The following EYA2 variants were observed in gnomAD, a reference collection of about 807,000 sequenced individuals.
The protein encoded by EYA2 is protein phosphatase EYA2.
EYA2 carries 31 observed loss-of-function variants against 69.2 expected under a neutral mutation model. The ratio of observed to expected loss-of-function variants is 0.45; its 90% CI spans 0.34 to 0.60. The LOEUF (loss-of-function observed/expected upper bound fraction) is 0.60, where lower values mean the gene tolerates loss of function less well. EYA2 is among the 20% of genes least tolerant of loss of function. EYA2 has a pLI of 0.02. For synonymous variants in EYA2, 257 were observed against 279.4 expected (o/e 0.92, Z 0.80); for missense variants, 622 against 701.2 (o/e 0.89, Z 1.28).
At chr20:46,899,785 G>A (rs751583253) in intron 1 of EYA2, among the ~76,000 whole-genome samples, 5 of 152,176 alleles carry the variant, frequency 3.3e-5, no homozygotes, top group South Asian at 2.1e-4. Context: ...TGAGAGACTC[G>A]TCTTTGGGAC....
At position 47,179,912 on chromosome 20, in the gene EYA2, G is replaced by A. The variant is rs868848935; in HGVS notation, c.1313G>A (p.Arg438Gln). Residue 438 changes from arginine to glutamine, a missense_variant and splice_region_variant, in exon 13 of 16, where the codon CGG becomes CAG. By Grantham distance (43) the Arg-to-Gln change is conservative. Coordinates refer to ENST00000327619, the MANE Select transcript of EYA2 (RefSeq NM_005244.5). The stretch of plus-strand genomic sequence containing the variant: ...AAGGCACTAAACCTCATCAACTCCC[G>A]GCAAGTGGCAGCCCTCATTTTCCTC... The part of the protein sequence containing the change: ...SLKALNLINS[R>Q]PNCVNVLVTT... 2 of 1,611,796 alleles carry A rather than the reference G, an allele frequency of 1.2e-6. No individual in the cohort carries two copies. Among genetic ancestry groups the A allele is most frequent in the South Asian group, 1.1e-5 (1 of 90,992 alleles).
chr20:46,949,007 G>A (rs1473799894), intron 1 of EYA2, among the ~76,000 whole-genome samples: 1 of 152,094 alleles, frequency 6.6e-6, no homozygotes, highest in Non-Finnish European at 1.5e-5. Context: ...AATGTTACTC[G>A]CATTGTACAG....
At chr20:46,918,517 G>C (rs1264490328) in intron 1 of EYA2, among the ~76,000 whole-genome samples, 3 of 152,108 alleles carry the variant, frequency 2.0e-5, no homozygotes, top group African/African-American at 7.2e-5. Flanking sequence ...AGGTTACCCA[G>C]AGTGGTCTCG....
intron 10 of EYA2, among the ~76,000 whole-genome samples, chr20:47,153,260 A>G (rs867825236): frequency 6.6e-6 from 1 of 152,012 alleles, no homozygotes; most frequent in African/African-American, 2.4e-5. Flanking sequence ...GTTTTAGGGG[A>G]AAAATGACCA....
chr20:47,017,769 G>GT (rs1983500001), intron 5 of EYA2, among the ~76,000 whole-genome samples: 1 of 152,172 alleles, frequency 6.6e-6, no homozygotes, highest in South Asian at 2.1e-4. Context: ...CAACGGTACT[G>GT]TATTATTCCC....
chr20:46,966,496 A>G (rs1289827318), intron 1 of EYA2, among the ~76,000 whole-genome samples: 1 of 152,024 alleles, frequency 6.6e-6, no homozygotes, highest in African/African-American at 2.4e-5. Flanking sequence ...ATTTTCTAGT[A>G]GCCTTGTTAA....
chr20:46,925,413 A>G (rs1985372837), intron 1 of EYA2, among the ~76,000 whole-genome samples: 1 of 152,214 alleles, frequency 6.6e-6, no homozygotes, highest in Non-Finnish European at 1.5e-5. Flanking sequence ...ACTGGGGGAA[A>G]TCTTTGCAGT....
chr20:47,177,814 G>C (rs187059651), intron 12 of EYA2, among the ~76,000 whole-genome samples: 41 of 152,390 alleles, frequency 2.7e-4, no homozygotes, highest in East Asian at 1.9e-3. Flanking sequence ...CTGCTGCTAT[G>C]ATGGCGAACA....
intron 1 of EYA2, among the ~76,000 whole-genome samples, chr20:46,910,771 G>T (rs1390326940): frequency 1.3e-5 from 2 of 152,178 alleles, no homozygotes; most frequent in Non-Finnish European, 2.9e-5. Flanking sequence ...GATGTGTTTT[G>T]TTTGGTCTGC....
chr20:47,034,430 G>T (rs1225127353), intron 5 of EYA2, among the ~76,000 whole-genome samples: 1 of 152,180 alleles, frequency 6.6e-6, no homozygotes, highest in Non-Finnish European at 1.5e-5. Flanking sequence ...CTGTGTGGGG[G>T]CAGGGAGATG....
intron 5 of EYA2, among the ~76,000 whole-genome samples, chr20:47,022,942 C>T (rs904524880): frequency 6.6e-6 from 1 of 152,038 alleles, no homozygotes; most frequent in Non-Finnish European, 1.5e-5. Context: ...CAACCATCAC[C>T]ACTATCTAAT....
chr20:46,914,429 TG>T (rs1345416082), intron 1 of EYA2, among the ~76,000 whole-genome samples: 1 of 152,184 alleles, frequency 6.6e-6, no homozygotes. Flanking sequence ...CATACCCAAC[TG>T]GGTAATTTAT....
rs1259826415 is a variant in EYA2 at position 47,188,541 on chromosome 20, C to T, written c.*408C>T. 6.5e-6 allele frequency: 3 copies of T among 459,482 alleles called. No individual in the cohort carries two copies. Among genetic ancestry groups the T allele is most frequent in the Non-Finnish European group, 7.6e-6 (2 of 261,998 alleles). 28.5% of individuals were successfully genotyped at this position (459,482 alleles called of 1,614,324 possible). On this transcript the variant is annotated 3_prime_UTR_variant, in exon 16 of 16. Transcript: ENST00000327619. ...TACCTGTGTGGCTGGGTTTCTTAGT[C>T]GTTGGTTTGGTTTGGTTTTTTGAAC...
chr20:47,117,671 G>A, intron 9 of EYA2: 4 of 985,358 alleles, frequency 4.1e-6, no homozygotes, highest in Non-Finnish European at 4.8e-6. Flanking sequence ...AGAAAACCCG[G>A]TTTTATGACG....
At chr20:47,176,885 G>A (rs1175679694) in intron 12 of EYA2, among the ~76,000 whole-genome samples, 1 of 150,230 alleles carries the variant, frequency 6.7e-6, no homozygotes, top group African/African-American at 2.5e-5. Context: ...TCCGCCTCCC[G>A]AGTTCAAGCA....
rs1485332877 is a variant in EYA2 at position 47,026,495 on chromosome 20, C to CA, written c.415+10204dup. ...GAAGTCAAAACAACAAAACAAATGACAAAAAACAAGCAAACAAACAAAAAA... is the reference window on the plus strand; with the variant it reads ...GAAGTCAAAACAACAAAACAAATGACAAAAAAACAAGCAAACAAACAAAAAA... On this transcript the variant is annotated intron_variant, in intron 5 of 15. Transcript: ENST00000327619. Among the ~76,000 whole-genome samples the CA allele has an allele frequency of 4.0e-5, 6 of 149,534 alleles. No individual in the cohort carries two copies. The East Asian group carries it at 7.8e-4, about 19-fold the overall frequency.
intron 9 of EYA2, among the ~76,000 whole-genome samples, chr20:47,135,842 C>CAAAAAAAAAAAAAAAA (rs1266669397): frequency 5.6e-5 from 3 of 54,026 alleles, no homozygotes; most frequent in South Asian, 5.8e-4. Flanking sequence ...AAAAAAAAAA[C>CAAAAAAAAAAAAAAAA]AAACAAACAA....
At chr20:47,129,436 A>G (rs2146573882) in intron 9 of EYA2, among the ~76,000 whole-genome samples, 1 of 152,300 alleles carries the variant, frequency 6.6e-6, no homozygotes, top group East Asian at 1.9e-4. Flanking sequence ...GCCTGGGAAG[A>G]GGGGATTTCA....
intron 1 of EYA2, among the ~76,000 whole-genome samples, chr20:46,899,491 G>A (rs575195686): frequency 1.2e-4 from 18 of 152,238 alleles, no homozygotes; most frequent in African/African-American, 3.1e-4. Context: ...CTAACACTAC[G>A]CATTTCAGGT....
Sources: allele counts gnomAD v4.1 joint callset (sites outside exome capture counted in the v4.1 genomes callset), GRCh38; gene constraint gnomAD v4.1.1; transcripts MANE v1.5; gene names NCBI Gene and HGNC (gene_info 2026-07-23, HGNC 2026-07-21).